TMEM108: variants seen among roughly 807,000 people sequenced by gnomAD.
TMEM108 encodes the protein transmembrane protein 108.
TMEM108 carries 12 observed loss-of-function variants against 35.1 expected under a neutral mutation model. The observed-to-expected ratio is 0.34, with a 90% CI of 0.22 to 0.55. TMEM108 has a LOEUF of 0.55. Ranked by LOEUF, TMEM108 falls within the 20% of genes least tolerant of loss-of-function variation. TMEM108 has a pLI of 0.89. For synonymous variants in TMEM108, 287 were observed against 308.6 expected (o/e 0.93, Z 0.73); for missense variants, 680 against 753.3 (o/e 0.90, Z 1.14).
chr3:133,063,040 A>G (rs950566151), intron 2 of TMEM108, among the ~76,000 whole-genome samples: 4 of 152,142 alleles, frequency 2.6e-5, no homozygotes, highest in Admixed American at 2.6e-4. Context: ...GTAGTATCCA[A>G]TGGGTTGGAG....
chr3:133,072,724 T>C (rs1237336571), intron 2 of TMEM108, among the ~76,000 whole-genome samples: 1 of 152,182 alleles, frequency 6.6e-6, no homozygotes, highest in Non-Finnish European at 1.5e-5. Context: ...TTTTAGTATA[T>C]GTAGAATGTT....
At chr3:133,183,540 C>T (rs1945377811) in intron 2 of TMEM108, among the ~76,000 whole-genome samples, 2 of 152,098 alleles carry the variant, frequency 1.3e-5, no homozygotes, top group African/African-American at 2.4e-5. Flanking sequence ...TGCTTCTGTC[C>T]TGGCCAGGGT....
At position 133,390,285 on chromosome 3, in the gene TMEM108, G is replaced by A. The variant is rs1350511588; in HGVS notation, c.1556G>A (p.Arg519Lys). Residue 519 changes from arginine to lysine, a missense_variant, in exon 5 of 6, where the codon AGG becomes AAG. Around this residue, in one of 3 missense-constraint regions of TMEM108, gnomAD observed 105 missense variants for 150.7 expected, o/e 0.70. Transcript: ENST00000321871. ...ACCATCACCATGGACTACTTCAACA[G>A]GCATGCTGTGGAGCTGCCCAGGGAG... is the stretch of plus-strand genomic sequence containing the variant. ...NNTITMDYFN[R>K]HAVELPREIQ... is the part of the protein sequence containing the mutation. The A allele has an allele frequency of 6.2e-7, 1 of 1,614,198 alleles. No homozygotes were observed. Among genetic ancestry groups the A allele is most frequent in the Non-Finnish European group, 8.5e-7 (1 of 1,180,028 alleles).
At chr3:133,365,501 G>T (rs776747668) in intron 3 of TMEM108, among the ~76,000 whole-genome samples, 3 of 152,184 alleles carry the variant, frequency 2.0e-5, no homozygotes, top group Non-Finnish European at 4.4e-5. Context: ...TGGTTGGGGT[G>T]AGGGAGGATC....
At chr3:133,234,124 G>A (rs894226395) in intron 3 of TMEM108, among the ~76,000 whole-genome samples, 37 of 152,124 alleles carry the variant, frequency 2.4e-4, no homozygotes, top group African/African-American at 8.7e-4. Flanking sequence ...CCATGCCTAT[G>A]TCCTGAATGG....
chr3:133,336,909 G>C (rs2071517782), intron 3 of TMEM108, among the ~76,000 whole-genome samples: 4 of 152,110 alleles, frequency 2.6e-5, no homozygotes, highest in Admixed American at 2.6e-4. Context: ...CAGTAGACTG[G>C]CAGTACTCCC....
At chr3:133,210,714 T>C (rs1945824009) in intron 2 of TMEM108, among the ~76,000 whole-genome samples, 1 of 152,232 alleles carries the variant, frequency 6.6e-6, no homozygotes, top group Admixed American at 6.5e-5. Flanking sequence ...TATCATGAAC[T>C]TCACTGTGGG....
At chr3:133,251,390 C>A (rs893518993) in intron 3 of TMEM108, among the ~76,000 whole-genome samples, 7 of 152,162 alleles carry the variant, frequency 4.6e-5, no homozygotes, top group Non-Finnish European at 2.9e-5. Context: ...GATAAGGTCT[C>A]TAAAGAGTTT....
chr3:133,162,881 CTGTT>C (rs1274242113), intron 2 of TMEM108, among the ~76,000 whole-genome samples: 1 of 152,192 alleles, frequency 6.6e-6, no homozygotes, highest in Non-Finnish European at 1.5e-5. Context: ...CAGCTGCATT[CTGTT>C]TGTTTATTTC....
intron 2 of TMEM108, among the ~76,000 whole-genome samples, chr3:133,091,753 G>A (rs1396256059): frequency 6.6e-6 from 1 of 152,126 alleles, no homozygotes; most frequent in Non-Finnish European, 1.5e-5. Flanking sequence ...AGGCAGTAGA[G>A]AAATGTAAAG....
intron 2 of TMEM108, among the ~76,000 whole-genome samples, chr3:133,084,993 GTCTTCACTAACAGAAGCA>G (rs1483503352): frequency 4.6e-5 from 7 of 152,166 alleles, no homozygotes; most frequent in African/African-American, 1.7e-4. Context: ...CCAGACAGTC[GTCTTCACTAACAGAAGCA>G]CCTCGCGAGG....
rs372642763 is a variant in TMEM108, at chr3:133,380,230, A to T, written c.519A>T (p.Arg173=). 3 of 1,612,344 alleles carry T rather than the reference A, an allele frequency of 1.9e-6. No homozygotes were observed. The highest frequency in any genetic ancestry group is 2.5e-6 in the Non-Finnish European group (3 of 1,179,264). The change falls in exon 4 of 6, where the codon CGA becomes CGT. Residue 173 remains arginine, a synonymous_variant. Transcript: ENST00000321871. The surrounding 1 kb of genome is among the most constrained non-coding windows in gnomAD (Gnocchi z 5.3). The part of the protein sequence containing the change: ...RRPPRPPGSS[R]KGAGNSSRPV... The stretch of plus-strand genomic sequence containing the variant: ...CCCCCAGGCCCCCAGGCTCTTCCCG[A>T]AAAGGGGCTGGTAATTCATCACGCC...
chr3:133,202,310 T>C (rs1357680375), intron 2 of TMEM108, among the ~76,000 whole-genome samples: 1 of 152,226 alleles, frequency 6.6e-6, no homozygotes, highest in African/African-American at 2.4e-5. Context: ...AGGCCCCATT[T>C]GTCAATTTTG....
intron 2 of TMEM108, among the ~76,000 whole-genome samples, chr3:133,143,928 T>TTTATA (rs1944676118): frequency 1.4e-5 from 1 of 70,544 alleles, no homozygotes; most frequent in East Asian, 2.6e-4. Flanking sequence ...TCACTTTTAT[T>TTTATA]TTATTTTATT....
At chr3:133,361,992 G>C (rs2072364055) in intron 3 of TMEM108, among the ~76,000 whole-genome samples, 1 of 152,080 alleles carries the variant, frequency 6.6e-6, no homozygotes, top group Admixed American at 6.6e-5. Context: ...ATATGTATTT[G>C]ACCATTCCTA....
chr3:133,199,874 A>G (rs1559865745), intron 2 of TMEM108, among the ~76,000 whole-genome samples: 1 of 152,098 alleles, frequency 6.6e-6, no homozygotes, highest in Non-Finnish European at 1.5e-5. Flanking sequence ...GGTGGAGTCT[A>G]CAGAAGCAGG....
At chr3:133,338,282 A>G (rs1329244819) in intron 3 of TMEM108, among the ~76,000 whole-genome samples, 1 of 152,194 alleles carries the variant, frequency 6.6e-6, no homozygotes, top group Non-Finnish European at 1.5e-5. Flanking sequence ...CCCAAACGTC[A>G]AGGATAAAGA....
intron 3 of TMEM108, among the ~76,000 whole-genome samples, chr3:133,263,974 A>T (rs1004216441): frequency 1.5e-4 from 23 of 152,194 alleles, no homozygotes. Context: ...AGTATCAGGG[A>T]AGTAGAAGTG....
intron 2 of TMEM108, among the ~76,000 whole-genome samples, chr3:133,187,611 A>G (rs145089547): frequency 0.017 from 2,568 of 152,254 alleles, 96 homozygotes; most frequent in African/African-American, 0.058. Flanking sequence ...TTAGCTAGGC[A>G]TGTTGGCAGG....
Sources: allele counts gnomAD v4.1 joint callset (sites outside exome capture counted in the v4.1 genomes callset), GRCh38; gene constraint gnomAD v4.1.1; regional missense constraint gnomAD v4.1.1; non-coding constraint Gnocchi (gnomAD v3.1); transcripts MANE v1.5; gene names NCBI Gene and HGNC (gene_info 2026-07-23, HGNC 2026-07-21).